The following SIPA1L1 variants were observed in gnomAD, a reference collection of about 807,000 sequenced individuals.
SIPA1L1 encodes signal induced proliferation associated 1 like 1, also known as signal-induced proliferation-associated 1-like protein 1.
A neutral mutation model predicts 162.7 loss-of-function variants in SIPA1L1; 26 were observed. That is an observed-to-expected ratio of 0.16 (90% CI 0.12 to 0.22). SIPA1L1 has a LOEUF of 0.22. Among genes scored for constraint, SIPA1L1 ranks in the 10% least tolerant of loss-of-function variants. SIPA1L1 has a pLI of 1.00. For synonymous variants in SIPA1L1, 829 were observed against 837.4 expected (o/e 0.99, Z 0.17); for missense variants, 1,874 against 2,241.0 (o/e 0.84, Z 3.31).
chr14:71,606,093 A>G (rs2148169850), intron 5 of SIPA1L1, among the ~76,000 whole-genome samples: 1 of 152,258 alleles, frequency 6.6e-6, no homozygotes, highest in Non-Finnish European at 1.5e-5. Context: ...AGTTATCCCC[A>G]GACCCCTGGA....
intron 7 of SIPA1L1, among the ~76,000 whole-genome samples, chr14:71,630,880 C>T (rs865829849): frequency 4.7e-5 from 7 of 150,438 alleles, no homozygotes; most frequent in Admixed American, 6.6e-5. Context: ...TATATATATA[C>T]ATATATATAT....
intron 2 of SIPA1L1, among the ~76,000 whole-genome samples, chr14:71,474,168 G>A (rs1436416593): frequency 6.6e-6 from 1 of 152,190 alleles, no homozygotes; most frequent in Non-Finnish European, 1.5e-5. Flanking sequence ...TGGGTTGAAG[G>A]TAACGTAGAT....
intron 4 of SIPA1L1, among the ~76,000 whole-genome samples, chr14:71,542,783 A>G (rs188216351): frequency 1.6e-5 from 2 of 121,784 alleles, no homozygotes; most frequent in Non-Finnish European, 3.2e-5. Flanking sequence ...CAGTCTTGCT[A>G]TGTTGCCCAG....
At chr14:71,339,952 G>A (rs914605610) in intron 2 of SIPA1L1, among the ~76,000 whole-genome samples, 2 of 152,140 alleles carry the variant, frequency 1.3e-5, no homozygotes, top group Non-Finnish European at 2.9e-5. Context: ...ACTGAGTTGA[G>A]GCGTTATCTA....
At chr14:71,367,103 C>A (rs184163515) in intron 2 of SIPA1L1, among the ~76,000 whole-genome samples, 2 of 152,036 alleles carry the variant, frequency 1.3e-5, no homozygotes, top group Non-Finnish European at 2.9e-5. Flanking sequence ...GTTGTCTTAA[C>A]ATAAATAGTA....
At chr14:71,644,490 G>A (rs2041992664) in intron 7 of SIPA1L1, among the ~76,000 whole-genome samples, 3 of 152,040 alleles carry the variant, frequency 2.0e-5, no homozygotes, top group Non-Finnish European at 4.4e-5. Context: ...TCCCACCTTG[G>A]CCTCCCAAAG....
chr14:71,551,166 G>A (rs898095288), intron 4 of SIPA1L1, among the ~76,000 whole-genome samples: 1 of 152,138 alleles, frequency 6.6e-6, no homozygotes, highest in African/African-American at 2.4e-5. Context: ...GACCAAATCA[G>A]TTGAGGCTGA....
At chr14:71,501,083 G>A (rs1341841348) in intron 2 of SIPA1L1, among the ~76,000 whole-genome samples, 1 of 152,212 alleles carries the variant, frequency 6.6e-6, no homozygotes, top group Non-Finnish European at 1.5e-5. Flanking sequence ...TACTTTGGGA[G>A]GCCAAGGCAA....
intron 12 of SIPA1L1, among the ~76,000 whole-genome samples, chr14:71,676,486 GTATA>G (rs1377467106): frequency 7.2e-6 from 1 of 138,544 alleles, no homozygotes; most frequent in Non-Finnish European, 1.5e-5. Context: ...TTTTTTTTAA[GTATA>G]TATACTTTAA....
chr14:71,606,768 A>G (rs1363368157), intron 5 of SIPA1L1, among the ~76,000 whole-genome samples: 1 of 152,118 alleles, frequency 6.6e-6, no homozygotes, highest in Non-Finnish European at 1.5e-5. Context: ...GGTTTTGACA[A>G]TGATTATTGT....
rs1255281664 is a variant in SIPA1L1 at position 71,709,638 on chromosome 14, T to C, written c.4182T>C (p.Ser1394=). 6.2e-7 allele frequency: 1 copy of C among 1,613,502 alleles called. No individual in the cohort carries two copies. Among genetic ancestry groups the C allele is most frequent in the African/African-American group, 1.3e-5 (1 of 74,902 alleles). ...TPLTRENSTF[S]INDAASHTST... is the part of the protein sequence containing the mutation. ...TGACAAGGGAGAACAGCACCTTCAG[T>C]ATAAACGATGCTGCTTCCCACACAA... The change falls in exon 17 of 24, where the codon AGT becomes AGC. Residue 1394 remains serine (S), a synonymous_variant. Coordinates refer to ENST00000381232, the MANE Select transcript of SIPA1L1 (RefSeq NM_001386936.1).
At chr14:71,465,318 TC>T (rs2046912635) in intron 2 of SIPA1L1, among the ~76,000 whole-genome samples, 1 of 152,214 alleles carries the variant, frequency 6.6e-6, no homozygotes, top group Non-Finnish European at 1.5e-5. Context: ...AGACTCTCAC[TC>T]AGGGCAATCT....
At chr14:71,435,683 A>G (rs2044324751) in intron 2 of SIPA1L1, among the ~76,000 whole-genome samples, 1 of 152,208 alleles carries the variant, frequency 6.6e-6, no homozygotes. Context: ...TCCTTTGGGT[A>G]TATACCCAGT....
intron 8 of SIPA1L1, among the ~76,000 whole-genome samples, chr14:71,656,095 C>T (rs1325285420): frequency 6.6e-6 from 1 of 152,144 alleles, no homozygotes; most frequent in Non-Finnish European, 1.5e-5. Flanking sequence ...ACTTCTGAAA[C>T]TATTCCCAAA....
intron 2 of SIPA1L1, among the ~76,000 whole-genome samples, chr14:71,486,113 CAG>C (rs1284975600): frequency 6.6e-6 from 1 of 152,158 alleles, no homozygotes; most frequent in East Asian, 1.9e-4. Flanking sequence ...GCGATTTAGA[CAG>C]AAAAAGATAG....
At chr14:71,595,398 G>T (rs965098322) in intron 5 of SIPA1L1, among the ~76,000 whole-genome samples, 19 of 152,138 alleles carry the variant, frequency 1.2e-4, no homozygotes, top group Non-Finnish European at 2.2e-4. Flanking sequence ...TAGGTATTTT[G>T]TGTGTGTGTT....
At chr14:71,519,552 C>A (rs1389467490) in intron 3 of SIPA1L1, among the ~76,000 whole-genome samples, 2 of 151,598 alleles carry the variant, frequency 1.3e-5, no homozygotes, top group African/African-American at 4.8e-5. Flanking sequence ...TTGCCAGATA[C>A]AGCAGCTCAT....
intron 2 of SIPA1L1, chr14:71,467,326 T>C (rs371842505): frequency 6.6e-6 from 1 of 152,236 alleles, no homozygotes; most frequent in African/African-American, 2.4e-5. Flanking sequence ...TACATTAATA[T>C]GTTTAAAAAG....
chr14:71,407,697 G>T (rs918000957), intron 2 of SIPA1L1, among the ~76,000 whole-genome samples: 2 of 152,156 alleles, frequency 1.3e-5, no homozygotes, highest in Non-Finnish European at 2.9e-5. Context: ...TAGAGACAAG[G>T]TTTTGCCATG....
Sources: allele counts gnomAD v4.1 joint callset (sites outside exome capture counted in the v4.1 genomes callset), GRCh38; gene constraint gnomAD v4.1.1; transcripts MANE v1.5; gene names NCBI Gene and HGNC (gene_info 2026-07-23, HGNC 2026-07-21).